Variants in PPM1L observed in about 807,000 individuals in gnomAD.
PPM1L encodes protein phosphatase 1L.
In PPM1L, 13 loss-of-function variants were observed where a neutral mutation model predicts 31.4. That is an observed-to-expected ratio of 0.41 (90% CI 0.27 to 0.66). PPM1L has a LOEUF of 0.66. Among genes scored for constraint, PPM1L ranks in the 30% least tolerant of loss-of-function variants. The pLI is 0.29. For missense variants in PPM1L, 326 were observed against 453.7 expected, an observed-to-expected ratio of 0.72 and a Z score of 2.56; for synonymous variants, 184 against 175.4, an observed-to-expected ratio of 1.05 and a Z score of -0.39.
intron 2 of PPM1L, among the ~76,000 whole-genome samples, chr3:161,062,693 T>A (rs1158250600): frequency 1.3e-5 from 2 of 152,240 alleles, no homozygotes; most frequent in Non-Finnish European, 2.9e-5. Flanking sequence ...CTCCCTTTTT[T>A]AAAAAGAAAT....
intron 2 of PPM1L, among the ~76,000 whole-genome samples, chr3:160,967,613 A>G (rs1716198564): frequency 6.6e-6 from 1 of 152,074 alleles, no homozygotes; most frequent in Non-Finnish European, 1.5e-5. Flanking sequence ...CACCATGAGG[A>G]TTAGTTTTCA....
intron 2 of PPM1L, among the ~76,000 whole-genome samples, chr3:161,042,952 G>A (rs1056307266): frequency 2.0e-5 from 3 of 151,420 alleles, no homozygotes; most frequent in Non-Finnish European, 2.9e-5. Flanking sequence ...CTGAGGACAC[G>A]GAGGTTGCAG....
intron 2 of PPM1L, among the ~76,000 whole-genome samples, chr3:160,972,518 AG>A (rs1337042763): frequency 2.0e-5 from 3 of 152,160 alleles, no homozygotes; most frequent in African/African-American, 7.2e-5. Context: ...GTCCCTACAA[AG>A]GACATGAACT....
intron 1 of PPM1L, among the ~76,000 whole-genome samples, chr3:160,762,607 T>C (rs1191006328): frequency 6.6e-6 from 1 of 152,164 alleles, no homozygotes; most frequent in Non-Finnish European, 1.5e-5. Context: ...CACCTACAAG[T>C]GTGTGATGGC....
At chr3:160,786,620 G>C (rs1166133477) in intron 1 of PPM1L, among the ~76,000 whole-genome samples, 10 of 151,554 alleles carry the variant, frequency 6.6e-5, no homozygotes, top group Non-Finnish European at 1.5e-4. Flanking sequence ...TTAGGTTCAG[G>C]GGGTACCTGT....
intron 1 of PPM1L, among the ~76,000 whole-genome samples, chr3:160,891,526 G>T (rs1713141531): frequency 6.6e-6 from 1 of 152,144 alleles, no homozygotes; most frequent in African/African-American, 2.4e-5. Flanking sequence ...GGAGAACAAA[G>T]GAATGCTTTT....
chr3:160,933,321 C>A (rs1444039711), intron 1 of PPM1L, among the ~76,000 whole-genome samples: 1 of 151,754 alleles, frequency 6.6e-6, no homozygotes, highest in Non-Finnish European at 1.5e-5. Flanking sequence ...TTATATCTAC[C>A]TATTTCTAGA....
At chr3:160,779,911 G>T (rs1466720837) in intron 1 of PPM1L, among the ~76,000 whole-genome samples, 1 of 151,970 alleles carries the variant, frequency 6.6e-6, no homozygotes, top group Non-Finnish European at 1.5e-5. Flanking sequence ...GAAAAAATGC[G>T]AATGATTTTT....
At chr3:160,980,712 A>AAAG (rs60097789) in intron 2 of PPM1L, among the ~76,000 whole-genome samples, 66,475 of 147,944 alleles carry the variant, frequency 0.45, 16,129 homozygotes, top group East Asian at 0.69. Flanking sequence ...GAGAGAAAAA[A>AAAG]AAAGAGAGAG....
chr3:160,920,352 A>G (rs1446318050), intron 1 of PPM1L, among the ~76,000 whole-genome samples: 1 of 152,120 alleles, frequency 6.6e-6, no homozygotes, highest in Non-Finnish European at 1.5e-5. Flanking sequence ...GGCTCCCAGT[A>G]TCTCAACCAT....
At chr3:160,973,738 T>C (rs1361932310) in intron 2 of PPM1L, among the ~76,000 whole-genome samples, 1 of 145,046 alleles carries the variant, frequency 6.9e-6, no homozygotes, top group Non-Finnish European at 1.5e-5. Flanking sequence ...AGAATTCATC[T>C]GGTAAATTGC....
chr3:160,783,221 T>C (rs1166952808), intron 1 of PPM1L, among the ~76,000 whole-genome samples: 1 of 152,184 alleles, frequency 6.6e-6, no homozygotes, highest in Non-Finnish European at 1.5e-5. Context: ...ATCATGATGA[T>C]GCTACATCCT....
chr3:160,893,099 T>G (rs1713212045), intron 1 of PPM1L, among the ~76,000 whole-genome samples: 1 of 152,188 alleles, frequency 6.6e-6, no homozygotes. Context: ...AGAAGGCCAT[T>G]TGCAGTAATA....
Position 161,065,425 on chromosome 3 carries a change from G to A in PPM1L, c.597G>A (p.Leu199=). 6.2e-7 allele frequency: 1 copy of A among 1,614,012 alleles called. No homozygotes were observed. The highest frequency in any genetic ancestry group is 8.5e-7 in the Non-Finnish European group (1 of 1,179,918). Residue 199 remains leucine, a synonymous_variant, in exon 3 of 4, where the codon CTG becomes CTA. Transcript: ENST00000498165. ...CAGGCACAACGTGTTTGATTGCTCT[G>A]CTATCAGATAAAGACCTCACTGTGG... ...DEAGTTCLIA[L]LSDKDLTVAN...
intron 1 of PPM1L, chr3:160,842,102 A>G: frequency 1.7e-6 from 1 of 578,368 alleles, no homozygotes; most frequent in East Asian, 2.8e-5. Context: ...GGGTTGGAAT[A>G]TTACATAACC....
chr3:160,880,069 T>C (rs902299325), intron 1 of PPM1L, among the ~76,000 whole-genome samples: 1 of 152,180 alleles, frequency 6.6e-6, no homozygotes, highest in Non-Finnish European at 1.5e-5. Context: ...GCACTTCTGA[T>C]GTCATAAGCA....
chr3:160,874,050 C>T (rs1277744428), intron 1 of PPM1L, among the ~76,000 whole-genome samples: 1 of 152,100 alleles, frequency 6.6e-6, no homozygotes, highest in African/African-American at 2.4e-5. Context: ...GAGTCTGAAC[C>T]TCTGTTTTTA....
intron 1 of PPM1L, among the ~76,000 whole-genome samples, chr3:160,787,497 C>T (rs577435130): frequency 1.2e-4 from 18 of 152,162 alleles, no homozygotes; most frequent in African/African-American, 4.3e-4. Context: ...GGATATTAGA[C>T]CTTTATTGGA....
intron 1 of PPM1L, among the ~76,000 whole-genome samples, chr3:160,843,029 C>T (rs551870685): frequency 6.6e-6 from 1 of 152,094 alleles, no homozygotes; most frequent in African/African-American, 2.4e-5. Context: ...TAGTTTTTGG[C>T]TTTTACTATT....
Sources: gnomAD v4.1 joint callset for allele counts (sites outside exome capture counted in the v4.1 genomes callset) on GRCh38, gnomAD v4.1.1 for gene constraint, MANE v1.5 for transcripts, NCBI Gene and HGNC (gene_info 2026-07-23, HGNC 2026-07-21) for gene names.